The following NRG3 variants were observed in gnomAD, a reference collection of about 807,000 sequenced individuals.
NRG3 encodes pro-neuregulin-3, membrane-bound isoform.
A neutral mutation model predicts 66.9 loss-of-function variants in NRG3; 31 were observed. That is an observed-to-expected ratio of 0.46 (90% CI 0.35 to 0.63). The LOEUF is 0.63. Ranked by LOEUF, NRG3 falls within the 20% of genes least tolerant of loss-of-function variation. NRG3 has a pLI of 0.00. For synonymous variants in NRG3, 393 were observed against 359.4 expected (o/e 1.09, Z -1.06); for missense variants, 910 against 878.9 (o/e 1.04, Z -0.45).
chr10:82,046,489 A>T (rs1416999037), intron 1 of NRG3, among the ~76,000 whole-genome samples: 1 of 37,036 alleles, frequency 2.7e-5, no homozygotes, highest in African/African-American at 4.9e-5. Context: ...GGGGTTTTCT[A>T]TATATACAAT....
At chr10:82,414,736 G>A (rs920108353) in intron 2 of NRG3, among the ~76,000 whole-genome samples, 1 of 152,184 alleles carries the variant, frequency 6.6e-6, no homozygotes, top group Non-Finnish European at 1.5e-5. Context: ...AGATATATGT[G>A]TGTGAGCACA....
intron 1 of NRG3, among the ~76,000 whole-genome samples, chr10:82,027,974 C>T (rs2062392821): frequency 6.6e-6 from 1 of 152,148 alleles, no homozygotes; most frequent in Admixed American, 6.5e-5. Context: ...ATCCACTACT[C>T]ACTGCCCACT....
intron 1 of NRG3, among the ~76,000 whole-genome samples, chr10:81,943,945 GT>G (rs1848615498): frequency 6.6e-6 from 1 of 152,150 alleles, no homozygotes; most frequent in Non-Finnish European, 1.5e-5. Flanking sequence ...AGTCTCCACA[GT>G]TTTGGGGCTG....
intron 1 of NRG3, among the ~76,000 whole-genome samples, chr10:82,205,257 T>A (rs2133551513): frequency 6.6e-6 from 1 of 152,308 alleles, no homozygotes; most frequent in Non-Finnish European, 1.5e-5. Flanking sequence ...TACCTCTATT[T>A]TGATATTCAC....
At chr10:82,080,557 G>C (rs760919395) in intron 1 of NRG3, among the ~76,000 whole-genome samples, 2 of 151,956 alleles carry the variant, frequency 1.3e-5, no homozygotes, top group African/African-American at 4.8e-5. Context: ...CTACAGCCTG[G>C]TGATCCCTGT....
intron 1 of NRG3, among the ~76,000 whole-genome samples, chr10:82,242,781 C>A (rs1471112683): frequency 6.6e-6 from 1 of 152,096 alleles, no homozygotes; most frequent in Non-Finnish European, 1.5e-5. Context: ...TTCTGTACAT[C>A]TCAGGCAGGG....
intron 1 of NRG3, among the ~76,000 whole-genome samples, chr10:81,929,835 T>C (rs1234259976): frequency 1.3e-5 from 2 of 152,212 alleles, no homozygotes; most frequent in African/African-American, 4.8e-5. Context: ...GATTCTAATG[T>C]GTGGTCAAGA....
chr10:82,965,049 A>G (rs1289782424), intron 6 of NRG3, among the ~76,000 whole-genome samples: 1 of 152,248 alleles, frequency 6.6e-6, no homozygotes, highest in African/African-American at 2.4e-5. Context: ...CAGGGGGGCC[A>G]GTTGGATGAA....
chr10:82,889,204 C>G (rs1462336187), intron 4 of NRG3, among the ~76,000 whole-genome samples: 1 of 151,934 alleles, frequency 6.6e-6, no homozygotes, highest in Non-Finnish European at 1.5e-5. Flanking sequence ...AGAGGAGACA[C>G]GAGGGTGACC....
chr10:82,449,974 A>G (rs138000912), intron 2 of NRG3, among the ~76,000 whole-genome samples: 1 of 152,340 alleles, frequency 6.6e-6, no homozygotes, highest in Non-Finnish European at 1.5e-5. Context: ...AAGAAGCTCT[A>G]TAAAAGTGGT....
intron 1 of NRG3, among the ~76,000 whole-genome samples, chr10:82,151,134 G>A (rs945192822): frequency 6.6e-6 from 1 of 152,156 alleles, no homozygotes; most frequent in Non-Finnish European, 1.5e-5. Context: ...AGCCAGAGAG[G>A]GATATAAAGG....
At chr10:82,682,073 T>A (rs1468949281) in intron 2 of NRG3, among the ~76,000 whole-genome samples, 1 of 152,200 alleles carries the variant, frequency 6.6e-6, no homozygotes, top group Non-Finnish European at 1.5e-5. Flanking sequence ...TGCCAAGAGA[T>A]GAGAGCCATA....
intron 2 of NRG3, among the ~76,000 whole-genome samples, chr10:82,724,292 C>G (rs543919064): frequency 1.3e-5 from 2 of 151,894 alleles, no homozygotes; most frequent in South Asian, 4.2e-4. Context: ...AATATGAAAT[C>G]ACTTTCCATT....
chr10:82,099,551 C>T (rs977319112), intron 1 of NRG3, among the ~76,000 whole-genome samples: 1 of 152,192 alleles, frequency 6.6e-6, no homozygotes, highest in Admixed American at 6.5e-5. Context: ...TGGCTATTCT[C>T]ATTCCCTTGA....
chr10:82,898,185 G>T (rs1843845596), intron 4 of NRG3, among the ~76,000 whole-genome samples: 1 of 152,164 alleles, frequency 6.6e-6, no homozygotes, highest in Non-Finnish European at 1.5e-5. Context: ...CCCTGAGTCT[G>T]TCCACACTGG....
chr10:82,813,055 G>T (rs1181824564), intron 3 of NRG3, among the ~76,000 whole-genome samples: 1 of 152,036 alleles, frequency 6.6e-6, no homozygotes, highest in Non-Finnish European at 1.5e-5. Context: ...AAATTTATCA[G>T]CAGGTATCAA....
intron 2 of NRG3, among the ~76,000 whole-genome samples, chr10:82,415,258 A>C (rs774339306): frequency 6.6e-6 from 1 of 152,168 alleles, no homozygotes; most frequent in South Asian, 2.1e-4. Context: ...TTTTATTCAG[A>C]AAGTCACTTA....
intron 1 of NRG3, among the ~76,000 whole-genome samples, chr10:82,245,984 T>G (rs1175240545): frequency 2.8e-5 from 4 of 140,988 alleles, no homozygotes; most frequent in Non-Finnish European, 4.6e-5. Flanking sequence ...TCTGGTTTTT[T>G]TTTTTTTTTT....
chr10:82,784,861 A>G (rs1476404502), intron 3 of NRG3, among the ~76,000 whole-genome samples: 1 of 152,114 alleles, frequency 6.6e-6, no homozygotes, highest in Admixed American at 6.5e-5. Flanking sequence ...CTGGGTATAT[A>G]CCCAAAGGAC....
Sources: gnomAD v4.1 joint callset for allele counts (sites outside exome capture counted in the v4.1 genomes callset) on GRCh38, gnomAD v4.1.1 for gene constraint, MANE v1.5 for transcripts, NCBI Gene and HGNC (gene_info 2026-07-23, HGNC 2026-07-21) for gene names.